The following SAMD3 variants were observed in gnomAD, a reference collection of about 807,000 sequenced individuals.
SAMD3 encodes the protein sterile alpha motif domain containing 3, also known as sterile alpha motif domain-containing protein 3.
SAMD3 carries 63 observed loss-of-function variants against 58.5 expected under a neutral mutation model. The observed-to-expected ratio is 1.08, with a 90% CI of 0.88 to 1.33. SAMD3 has a LOEUF of 1.33. Ranked by LOEUF, SAMD3 falls within the 40% of genes most tolerant of loss-of-function variation. The pLI, the probability that SAMD3 is intolerant of heterozygous loss-of-function variation, is 0.00. For missense variants in SAMD3, 604 were observed against 608.4 expected, an observed-to-expected ratio of 0.99 and a Z score of 0.08; for synonymous variants, 220 against 210.3, an observed-to-expected ratio of 1.05 and a Z score of -0.40.
At chr6:130,321,122 C>T (rs757205655) in intron 1 of SAMD3, among the ~76,000 whole-genome samples, 1 of 152,146 alleles carries the variant, frequency 6.6e-6, no homozygotes, top group Non-Finnish European at 1.5e-5. Context: ...AAATAGAATG[C>T]AATGAAGTGA....
At chr6:130,149,784 G>A (rs1332412669) in intron 9 of SAMD3, among the ~76,000 whole-genome samples, 1 of 152,138 alleles carries the variant, frequency 6.6e-6, no homozygotes, top group Non-Finnish European at 1.5e-5. Flanking sequence ...CCTGGGTGAT[G>A]AAATAACCTG....
intron 8 of SAMD3, among the ~76,000 whole-genome samples, 175 bp from the exon 9 acceptor site, chr6:130,155,200 G>T (rs1021752338): frequency 6.6e-6 from 1 of 152,118 alleles, no homozygotes; most frequent in African/African-American, 2.4e-5. Flanking sequence ...AAATTAGATA[G>T]TTAATTACTT....
At chr6:130,365,771 C>G, upstream of SAMD3, 3 of 985,436 alleles carry the variant, frequency 3.0e-6, no homozygotes, top group Non-Finnish European at 3.6e-6. Context: ...TTTGGGCTCT[C>G]GAAGTGCAAC....
chr6:130,206,603 C>A (rs1018132715), intron 5 of SAMD3, among the ~76,000 whole-genome samples: 1 of 152,168 alleles, frequency 6.6e-6, no homozygotes, highest in East Asian at 1.9e-4. Context: ...TAAGGCAGGA[C>A]AGATAAGTTT....
At chr6:130,295,214 C>T (rs1473035372) in intron 2 of SAMD3, among the ~76,000 whole-genome samples, 8 of 152,130 alleles carry the variant, frequency 5.3e-5, no homozygotes, top group East Asian at 1.9e-4. Flanking sequence ...TGAGCCACCA[C>T]GTCCAGCCTC....
intron 1 of SAMD3, among the ~76,000 whole-genome samples, chr6:130,335,614 T>C (rs1048742508): frequency 1.3e-5 from 2 of 152,214 alleles, no homozygotes; most frequent in African/African-American, 4.8e-5. Flanking sequence ...CATTTAGTAA[T>C]ACAGATCTAG....
At chr6:130,224,597 T>C (rs1252947470), upstream of SAMD3, among the ~76,000 whole-genome samples, 2 of 51,264 alleles carry the variant, frequency 3.9e-5, no homozygotes, top group Admixed American at 4.5e-4. Flanking sequence ...ATTTATTTAT[T>C]ATTATTATTA....
chr6:130,222,315 A>G (rs1402906578), intron 1 of SAMD3, among the ~76,000 whole-genome samples: 1 of 152,248 alleles, frequency 6.6e-6, no homozygotes, highest in Non-Finnish European at 1.5e-5. Flanking sequence ...TGGACAGATA[A>G]AATTTCCAGC....
chr6:130,352,682 A>T (rs1777714755), intron 1 of SAMD3, among the ~76,000 whole-genome samples: 1 of 152,162 alleles, frequency 6.6e-6, no homozygotes, highest in South Asian at 2.1e-4. Flanking sequence ...CTTCATGCTC[A>T]CTGAGTTAGA....
At chr6:130,276,563 A>G (rs759994091) in intron 2 of SAMD3, among the ~76,000 whole-genome samples, 71 of 152,322 alleles carry the variant, frequency 4.7e-4, no homozygotes, top group South Asian at 2.1e-3. Context: ...TTAAACAAGT[A>G]TGGACACATG....
intron 2 of SAMD3, among the ~76,000 whole-genome samples, chr6:130,235,201 C>T (rs1433302267): frequency 6.6e-6 from 1 of 152,168 alleles, no homozygotes; most frequent in Non-Finnish European, 1.5e-5. Flanking sequence ...ATGAAAACAG[C>T]TAAGTTTTTC....
At chr6:130,164,748 G>A (rs1206992363) in intron 8 of SAMD3, among the ~76,000 whole-genome samples, 1 of 151,920 alleles carries the variant, frequency 6.6e-6, no homozygotes, top group South Asian at 2.1e-4. Flanking sequence ...TAAAAAAAGG[G>A]GAAAATGAGG....
intron 1 of SAMD3, among the ~76,000 whole-genome samples, chr6:130,361,205 A>G (rs1285368766): frequency 6.6e-6 from 1 of 152,166 alleles, no homozygotes; most frequent in Admixed American, 6.5e-5. Context: ...GTCCATGAAA[A>G]CTTCACAATT....
chr6:130,240,827 T>TAG (rs1352997054), intron 2 of SAMD3, among the ~76,000 whole-genome samples: 1 of 152,188 alleles, frequency 6.6e-6, no homozygotes, highest in East Asian at 1.9e-4. Context: ...TCCTTGTTCT[T>TAG]AGACTTCCCG....
upstream of SAMD3, among the ~76,000 whole-genome samples, chr6:130,223,142 C>G (rs991950365): frequency 6.6e-6 from 1 of 151,996 alleles, no homozygotes; most frequent in African/African-American, 2.4e-5. Flanking sequence ...TTTTAAGCTC[C>G]TAGAAGAAAT....
intron 2 of SAMD3, among the ~76,000 whole-genome samples, chr6:130,247,472 A>C (rs1371713518): frequency 6.6e-6 from 1 of 151,940 alleles, no homozygotes; most frequent in East Asian, 1.9e-4. Context: ...ATCTCAAAAA[A>C]AAAAAAAAAG....
At chr6:130,262,616 G>C (rs889946113) in intron 2 of SAMD3, among the ~76,000 whole-genome samples, 1 of 151,578 alleles carries the variant, frequency 6.6e-6, no homozygotes, top group Non-Finnish European at 1.5e-5. Context: ...GGAAATTCAT[G>C]CAAGAAATGT....
At position 130,145,995 on chromosome 6, in the gene SAMD3, A is replaced by G. The variant is rs780588049; in HGVS notation, c.1195+15T>C. On this transcript the variant is annotated intron_variant, in intron 10 of 11. Transcript: ENST00000439090. The stretch of plus-strand genomic sequence containing the variant: ...ATAACAGATGAAATCACACCACTCC[A>G]TAAGGTTTACTAACATTTCAACATG... 6.3e-6 allele frequency: 9 copies of G among 1,433,756 alleles called. No homozygotes were observed. The highest frequency in any genetic ancestry group is 1.8e-5 in the South Asian group (1 of 56,164). 88.8% of individuals were successfully genotyped at this position (1,433,756 alleles called of 1,614,324 possible).
At chr6:130,315,401 G>A (rs1360055665) in intron 1 of SAMD3, among the ~76,000 whole-genome samples, 2 of 152,162 alleles carry the variant, frequency 1.3e-5, no homozygotes, top group Admixed American at 6.5e-5. Flanking sequence ...GACATTTGGA[G>A]ATTGAGTTAT....
Sources: gnomAD v4.1 joint callset for allele counts (sites outside exome capture counted in the v4.1 genomes callset) on GRCh38, gnomAD v4.1.1 for gene constraint, MANE v1.5 for transcripts, NCBI Gene and HGNC (gene_info 2026-07-23, HGNC 2026-07-21) for gene names.